PCDH19: variants seen among roughly 807,000 people sequenced by gnomAD.
The protein encoded by PCDH19 is protocadherin 19, also known as protocadherin-19.
Under a neutral mutation model 46.2 loss-of-function variants are expected in PCDH19, and 6 were observed. The ratio of observed to expected loss-of-function variants is 0.13; its 90% confidence interval spans 0.07 to 0.26. PCDH19 has a LOEUF of 0.26. Ranked by LOEUF, PCDH19 falls within the 10% of genes least tolerant of loss-of-function variation. PCDH19 has a pLI of 1.00. For synonymous variants in PCDH19, 481 were observed against 415.7 expected (o/e 1.16, Z -1.91); for missense variants, 740 against 972.3 (o/e 0.76, Z 3.18).
At chrX:100,377,241 T>C (rs1248687514) in intron 3 of PCDH19, among the ~76,000 whole-genome samples, 1 of 112,079 alleles carries the variant, frequency 8.9e-6, no homozygotes, top group Non-Finnish European at 1.9e-5. Context: ...CATTGGAACC[T>C]GGTAAAAGGG....
In PCDH19 at chrX:100,406,674, C is replaced by A. The variant is rs1221643775; in HGVS notation, c.1924G>T (p.Val642Leu). ...ESSKSSYELI[V>L]VAHDHGKTSL... ...GTCTTGCCGTGGTCGTGAGCCACCACGATAAGCTCATAGGAGGACTTGGAG... is the reference window on the plus strand; with the variant it reads ...GTCTTGCCGTGGTCGTGAGCCACCAAGATAAGCTCATAGGAGGACTTGGAG... The change falls in exon 1 of 6, where the codon GTG becomes TTG. Residue 642 changes from valine (V) to leucine (L), a missense_variant. By Grantham distance (32) the Val-to-Leu change is conservative. Around this residue, in one of 5 missense-constraint regions of PCDH19, gnomAD observed 416 missense variants for 476.8 expected, o/e 0.87. Transcript: ENST00000373034. 2 of 1,211,571 alleles carry A rather than the reference C, an allele frequency of 1.7e-6. No individual in the cohort carries two copies. The highest frequency in any genetic ancestry group is 4.3e-5 in the Admixed American group (2 of 46,055).
In PCDH19 at chrX:100,408,626, C is replaced by T; in HGVS notation, c.-29G>A. On this transcript the variant is annotated 5_prime_UTR_variant, in exon 1 of 6. Coordinates refer to ENST00000373034, the MANE Select transcript of PCDH19 (RefSeq NM_001184880.2). ...TGCACGGGGCTCTGCCTGGCCTCGC[C>T]TCTCCACACCCCTCCGAGACCGACG... The T allele has an allele frequency of 1.9e-6, 2 of 1,079,749 alleles. No individual in the cohort carries two copies. Among genetic ancestry groups the T allele is most frequent in the Non-Finnish European group, 2.5e-6 (2 of 803,833 alleles). 89.0% of individuals were successfully genotyped at this position (1,079,749 alleles called of 1,213,427 possible). A position where few individuals can be genotyped will look rare whatever the true frequency, so the allele number is the denominator to read the frequency against.
rs746132782 is a variant in PCDH19, at chrX:100,406,516, T to A, written c.2082A>T (p.Val694=). 1.7e-6 allele frequency: 2 copies of A among 1,206,515 alleles called. No homozygotes were observed. The highest frequency in any genetic ancestry group is 2.2e-6 in the Non-Finnish European group (2 of 893,374). Residue 694 remains valine, a synonymous_variant, in exon 1 of 6, where the codon GTA becomes GTT. Transcript: ENST00000373034. ...ALGSIAGILF[V]TMIFVAIKCK... is the part of the protein sequence containing the mutation. ...ACTTGATTGCCACGAAGATCATAGT[T>A]ACAAAGAGGATGCCCGCAATGGAGC...
chrX:100,324,960 T>C lies in PCDH19; in HGVS notation c.2848+16943A>G, dbSNP rs971124975. On this transcript the variant is annotated intron_variant, in intron 5 of 5. Transcript: ENST00000373034. ...CCAGACTGGACAAGTAACTTGTTTA[T>C]AGGCTATGAATCTGTGGAATATGAT... is the stretch of plus-strand genomic sequence containing the variant. Among the ~76,000 whole-genome samples the C allele has an allele frequency of 4.5e-5, 5 of 111,217 alleles. No homozygotes were observed. In the Admixed American group the frequency reaches 4.8e-4, roughly 11 times the overall value.
At chrX:100,324,333 C>T (rs1925612970) in intron 5 of PCDH19, among the ~76,000 whole-genome samples, 1 of 111,579 alleles carries the variant, frequency 9.0e-6, no homozygotes, top group Admixed American at 9.5e-5. Flanking sequence ...CGTGGCATTG[C>T]CATTGAACAG....
chrX:100,387,582 A>C (rs1005200721), intron 3 of PCDH19, among the ~76,000 whole-genome samples: 1 of 111,998 alleles, frequency 8.9e-6, no homozygotes, highest in Non-Finnish European at 1.9e-5. Flanking sequence ...GATAAAGCCT[A>C]TATCATTTCT....
chrX:100,388,377 T>G (rs896820631), intron 3 of PCDH19, among the ~76,000 whole-genome samples: 4 of 110,999 alleles, frequency 3.6e-5, no homozygotes, highest in Admixed American at 1.9e-4. Flanking sequence ...TTTCAATTAA[T>G]GTATATTATA....
intron 5 of PCDH19, among the ~76,000 whole-genome samples, chrX:100,325,725 G>A (rs1431263584): frequency 3.6e-5 from 4 of 112,342 alleles, no homozygotes; most frequent in African/African-American, 1.3e-4. Context: ...TTTTGGGGAA[G>A]GCAAAAAGTA....
chrX:100,301,463 A>G (rs187232663), intron 5 of PCDH19, among the ~76,000 whole-genome samples: 1 of 112,428 alleles, frequency 8.9e-6, no homozygotes, highest in African/African-American at 3.2e-5. Flanking sequence ...AATGAATCAG[A>G]AAGAAAAAAG....
intron 1 of PCDH19, among the ~76,000 whole-genome samples, chrX:100,405,493 T>A (rs1023433247): frequency 2.7e-5 from 3 of 111,228 alleles, no homozygotes; most frequent in African/African-American, 9.8e-5. Flanking sequence ...TATCAGGAAA[T>A]CTTTTTAAAA....
At chrX:100,340,524 TTGTCTC>T (rs897742928) in intron 5 of PCDH19, among the ~76,000 whole-genome samples, 2 of 112,238 alleles carry the variant, frequency 1.8e-5, no homozygotes, top group African/African-American at 6.5e-5. Flanking sequence ...GAGTATTAAA[TTGTCTC>T]TGTTTCAGTT....
At position 100,407,715 on chromosome X, in the gene PCDH19, T is replaced by C. The variant is rs756787350; in HGVS notation, c.883A>G (p.Ser295Gly). The change falls in exon 1 of 6, where the codon AGT becomes GGT. Residue 295 changes from serine (S) to glycine (G), a missense_variant. Transcript: ENST00000373034. ...TRELFQIDPH[S>G]GLVTVTGALD... The stretch of plus-strand genomic sequence containing the variant: ...GCGCCAGTGACAGTGACCAGGCCAC[T>C]GTGCGGGTCGATCTGAAAGAGCTCG... 4 of 1,211,235 alleles carry C rather than the reference T, an allele frequency of 3.3e-6. No homozygotes were observed. The highest frequency in any genetic ancestry group is 2.2e-6 in the Non-Finnish European group (2 of 895,484).
At position 100,406,549 on chromosome X, in the gene PCDH19, A is replaced by C; in HGVS notation, c.2049T>G (p.Ile683Met). The C allele has an allele frequency of 8.3e-7, 1 of 1,209,935 alleles. No homozygotes were observed. The highest frequency in any genetic ancestry group is 1.1e-6 in the Non-Finnish European group (1 of 894,352). ...GGATGCCCGCAATGGAGCCCAGGGC[A>C]ATAATGAAAATCAAGGACAAGTTCA... Reference protein sequence around the residue: ...GSVNLSLIFIIALGSIAGILF... With the variant: ...GSVNLSLIFIMALGSIAGILF... Residue 683 changes from isoleucine (I) to methionine (M), a missense_variant, in exon 1 of 6, where the codon ATT (isoleucine) becomes ATG (methionine). Transcript: ENST00000373034.
chrX:100,313,168 T>C, intron 5 of PCDH19, among the ~76,000 whole-genome samples: 1 of 112,317 alleles, frequency 8.9e-6, no homozygotes, highest in Non-Finnish European at 1.9e-5. Flanking sequence ...CTTGGAATAA[T>C]CTGTTTCTCC....
intron 3 of PCDH19, among the ~76,000 whole-genome samples, chrX:100,367,452 T>C (rs1425324014): frequency 8.9e-6 from 1 of 112,204 alleles, no homozygotes; most frequent in African/African-American, 3.2e-5. Context: ...TTTATCACAG[T>C]TCTGGAGGCT....
chrX:100,313,459 T>C (rs758364646), intron 5 of PCDH19, among the ~76,000 whole-genome samples: 2 of 112,247 alleles, frequency 1.8e-5, no homozygotes, highest in Admixed American at 1.9e-4. Context: ...TGTTGAACTC[T>C]AGCATAAAAA....
Position 100,313,986 on chromosome X carries a change from C to T in PCDH19, c.2849-17111G>A, listed in dbSNP as rs183191059. Among the ~76,000 whole-genome samples, 835 of 110,624 alleles carry T rather than the reference C, an allele frequency of 7.5e-3. 3 individuals carry two copies. Among genetic ancestry groups the T allele is most frequent in the Non-Finnish European group, 0.01 (551 of 52,836 alleles). On this transcript the variant is annotated intron_variant, in intron 5 of 5. Transcript: ENST00000373034. ...GGACACTAATAAACAAGGACATTGG[C>T]GAATGGTTTTATTCTCCTGGGGAAT...
At chrX:100,373,089 A>T (rs1235360557) in intron 3 of PCDH19, among the ~76,000 whole-genome samples, 1 of 112,248 alleles carries the variant, frequency 8.9e-6, no homozygotes, top group African/African-American at 3.2e-5. Context: ...GCTCACTGCA[A>T]CCTCCGCCTC....
At chrX:100,355,936 A>G (rs963039234) in intron 3 of PCDH19, among the ~76,000 whole-genome samples, 3 of 110,919 alleles carry the variant, frequency 2.7e-5, no homozygotes, top group African/African-American at 3.3e-5. Flanking sequence ...CCTAGTCTCT[A>G]GAAGAGTGAC....
Sources: allele counts gnomAD v4.1 joint callset (sites outside exome capture counted in the v4.1 genomes callset), GRCh38; gene constraint gnomAD v4.1.1; regional missense constraint gnomAD v4.1.1; transcripts MANE v1.5; gene names NCBI Gene and HGNC (gene_info 2026-07-23, HGNC 2026-07-21).